The following DRC11 variants were observed in gnomAD, a reference collection of about 807,000 sequenced individuals.
DRC11 encodes IQ and AAA domain-containing protein 1.
At chr2:236,384,800 C>T in the DRC11 span, among the ~76,000 whole-genome samples, 54 of 151,752 alleles carry the variant, frequency 3.6e-4, no homozygotes, top group Middle Eastern at 0.01. Flanking sequence ...TTAGGTCTAA[C>T]GTTTAAGTCT....
chr2:236,418,145 G>A, the DRC11 span, among the ~76,000 whole-genome samples: 23 of 152,254 alleles, frequency 1.5e-4, no homozygotes, highest in South Asian at 2.9e-3. Context: ...TTGAGGAATC[G>A]CCACACTGTC....
chr2:236,333,742 T>G, the DRC11 span, among the ~76,000 whole-genome samples: 13 of 152,200 alleles, frequency 8.5e-5, no homozygotes, highest in Non-Finnish European at 1.8e-4. The surrounding 1 kb of genome is among the most constrained non-coding windows in gnomAD (Gnocchi z 6.0). Flanking sequence ...ACAGTCACAA[T>G]CTTGGAAGTT....
the DRC11 span, among the ~76,000 whole-genome samples, chr2:236,489,360 T>A: frequency 7.8e-6 from 1 of 127,412 alleles, no homozygotes; most frequent in Non-Finnish European, 1.6e-5. Flanking sequence ...TCCGGGTACA[T>A]GCTGGGGCCT....
the DRC11 span, among the ~76,000 whole-genome samples, chr2:236,335,353 G>A: frequency 6.6e-6 from 1 of 152,220 alleles, no homozygotes; most frequent in Non-Finnish European, 1.5e-5. The surrounding 1 kb of genome is among the most constrained non-coding windows in gnomAD (Gnocchi z 5.6). Flanking sequence ...GGGCGATGAC[G>A]TCGGCCAGAA....
chr2:236,446,485 A>G, the DRC11 span, among the ~76,000 whole-genome samples: 1 of 152,066 alleles, frequency 6.6e-6, no homozygotes, highest in Non-Finnish European at 1.5e-5. This position sits in a 1 kb window ranked among gnomAD's most constrained non-coding sequence, Gnocchi z 6.2. Flanking sequence ...AAAAGTGGAA[A>G]CCAAAGTCTC....
the DRC11 span, among the ~76,000 whole-genome samples, chr2:236,493,200 T>C: frequency 1.3e-5 from 2 of 152,142 alleles, no homozygotes; most frequent in Non-Finnish European, 2.9e-5. Flanking sequence ...CTTGTGAGAT[T>C]TATTCACTAT....
At chr2:236,363,576 C>T in the DRC11 span, among the ~76,000 whole-genome samples, 1 of 152,046 alleles carries the variant, frequency 6.6e-6, no homozygotes, top group Admixed American at 6.6e-5. This position sits in a 1 kb window ranked among gnomAD's most constrained non-coding sequence, Gnocchi z 5.6. Context: ...ATTGGGATGG[C>T]ACAGTAGGGT....
the DRC11 span, among the ~76,000 whole-genome samples, chr2:236,478,255 T>C: frequency 6.6e-6 from 1 of 152,198 alleles, no homozygotes; most frequent in Non-Finnish European, 1.5e-5. This position sits in a 1 kb window ranked among gnomAD's most constrained non-coding sequence, Gnocchi z 5.9. Flanking sequence ...TCAATTTTCA[T>C]TTGTTTCAGG....
At chr2:236,479,525 T>G in the DRC11 span, among the ~76,000 whole-genome samples, 2 of 152,212 alleles carry the variant, frequency 1.3e-5, no homozygotes, top group African/African-American at 2.4e-5. This position sits in a 1 kb window ranked among gnomAD's most constrained non-coding sequence, Gnocchi z 4.1. Flanking sequence ...TTTATGGTTA[T>G]CATGAGGCTT....
At chr2:236,397,991 G>C in the DRC11 span, among the ~76,000 whole-genome samples, 1 of 152,212 alleles carries the variant, frequency 6.6e-6, no homozygotes, top group Non-Finnish European at 1.5e-5. This position sits in a 1 kb window ranked among gnomAD's most constrained non-coding sequence, Gnocchi z 5.0. Flanking sequence ...TTTTGATAGT[G>C]ACTGCTCTGC....
the DRC11 span, among the ~76,000 whole-genome samples, chr2:236,322,643 G>A: frequency 6.6e-6 from 1 of 152,184 alleles, no homozygotes; most frequent in Admixed American, 6.5e-5. Context: ...GCTGAGTGAG[G>A]CCCTGGCAAT....
chr2:236,388,789 G>A, the DRC11 span, among the ~76,000 whole-genome samples: 4 of 149,212 alleles, frequency 2.7e-5, no homozygotes, highest in Non-Finnish European at 6.0e-5. Flanking sequence ...CCATCTTTGT[G>A]GTTTTATCTA....
chr2:236,488,372 T>G, the DRC11 span, among the ~76,000 whole-genome samples: 1 of 152,222 alleles, frequency 6.6e-6, no homozygotes, highest in Non-Finnish European at 1.5e-5. Flanking sequence ...TTTGATAACA[T>G]GACATGCTCA....
At chr2:236,358,925 G>A in the DRC11 span, among the ~76,000 whole-genome samples, 1 of 150,838 alleles carries the variant, frequency 6.6e-6, no homozygotes, top group Non-Finnish European at 1.5e-5. Flanking sequence ...AAGACACAGG[G>A]GCAAGGCCAT....
At chr2:236,403,133 G>A in the DRC11 span, among the ~76,000 whole-genome samples, 245 of 152,178 alleles carry the variant, frequency 1.6e-3, 1 homozygote, top group Middle Eastern at 0.017. Flanking sequence ...AAGAGGAGGA[G>A]GGGGAGGGGG....
At chr2:236,433,412 T>C in the DRC11 span, among the ~76,000 whole-genome samples, 3 of 152,192 alleles carry the variant, frequency 2.0e-5, no homozygotes, top group African/African-American at 7.2e-5. Flanking sequence ...TTCCATTTCT[T>C]CGCATCCCTC....
At chr2:236,462,808 A>T in the DRC11 span, among the ~76,000 whole-genome samples, 1 of 152,188 alleles carries the variant, frequency 6.6e-6, no homozygotes, top group African/African-American at 2.4e-5. This position sits in a 1 kb window ranked among gnomAD's most constrained non-coding sequence, Gnocchi z 6.4. Flanking sequence ...ATGGGGCAAG[A>T]TTCTTGAAAG....
At chr2:236,384,298 C>T in the DRC11 span, among the ~76,000 whole-genome samples, 17 of 152,010 alleles carry the variant, frequency 1.1e-4, no homozygotes, top group African/African-American at 4.1e-4. Context: ...AAAAGTGTTC[C>T]TATTTCTCCA....
chr2:236,402,174 G>A, the DRC11 span, among the ~76,000 whole-genome samples: 1 of 152,168 alleles, frequency 6.6e-6, no homozygotes, highest in African/African-American at 2.4e-5. The surrounding 1 kb of genome is among the most constrained non-coding windows in gnomAD (Gnocchi z 6.0). Flanking sequence ...CCTGAGCAAA[G>A]GCACACTTGG....
Sources: gnomAD v4.1 joint callset for allele counts (sites outside exome capture counted in the v4.1 genomes callset) on GRCh38, gnomAD v4.1.1 for gene constraint, Gnocchi (gnomAD v3.1) non-coding constraint, MANE v1.5 for transcripts, NCBI Gene and HGNC (gene_info 2026-07-23, HGNC 2026-07-21) for gene names.